Variants in ELAPOR2 observed in about 807,000 individuals in gnomAD.
ELAPOR2 encodes endosome-lysosome associated apoptosis and autophagy regulator family member 2.
ELAPOR2 carries 89 observed loss-of-function variants against 120.7 expected under a neutral mutation model. The observed-to-expected ratio is 0.74, with a 90% CI of 0.62 to 0.88. The LOEUF (loss-of-function observed/expected upper bound fraction) is 0.88. Ranked by LOEUF, ELAPOR2 falls within the 40% of genes least tolerant of loss-of-function variation. The pLI is 0.00. For synonymous variants in ELAPOR2, 444 were observed against 444.9 expected (o/e 1.00, Z 0.03); for missense variants, 1,134 against 1,251.6 (o/e 0.91, Z 1.42).
At chr7:87,037,820 G>A (rs1794637654) in intron 1 of ELAPOR2, among the ~76,000 whole-genome samples, 2 of 152,122 alleles carry the variant, frequency 1.3e-5, no homozygotes. Flanking sequence ...TTCTTTGACT[G>A]AGATGTGGTG....
At chr7:86,928,192 A>G (rs1248029559) in intron 8 of ELAPOR2, among the ~76,000 whole-genome samples, 2 of 151,946 alleles carry the variant, frequency 1.3e-5, no homozygotes, top group South Asian at 2.1e-4. Flanking sequence ...GCCACTTCAC[A>G]CACCTGCCTT....
Position 86,882,968 on chromosome 7 carries a change from A to G in ELAPOR2, c.3031-2438T>C, listed in dbSNP as rs113357850. On this transcript the variant is annotated intron_variant, in intron 21 of 21. Coordinates refer to ENST00000450689, the MANE Select transcript of ELAPOR2 (RefSeq NM_001142749.3). ...TCCCTACTGCACTCCCTTCTCCCCAATGCTGCAAGACACCCTACTCTTGTT... is the reference window on the plus strand; with the variant it reads ...TCCCTACTGCACTCCCTTCTCCCCAGTGCTGCAAGACACCCTACTCTTGTT... 9.7e-3 allele frequency among the ~76,000 whole-genome samples: 1,456 copies of G among 150,860 alleles called. 13 individuals carry two copies. The highest frequency in any genetic ancestry group is 0.017 in the Middle Eastern group (5 of 294).
intron 21 of ELAPOR2, among the ~76,000 whole-genome samples, chr7:86,890,441 A>G (rs1279143548): frequency 6.6e-6 from 1 of 152,040 alleles, no homozygotes; most frequent in Non-Finnish European, 1.5e-5. Context: ...CATTATGAAC[A>G]TTCAGGTTCC....
At chr7:86,933,333 A>G (rs1790413586) in intron 8 of ELAPOR2, among the ~76,000 whole-genome samples, 1 of 151,964 alleles carries the variant, frequency 6.6e-6, no homozygotes, top group African/African-American at 2.4e-5. Flanking sequence ...ACTCTTGCCC[A>G]GTGTCACTGT....
At chr7:86,934,628 A>T (rs551538200) in intron 8 of ELAPOR2, among the ~76,000 whole-genome samples, 14 of 152,006 alleles carry the variant, frequency 9.2e-5, no homozygotes, top group Non-Finnish European at 1.5e-4. Context: ...TCCTAGCATT[A>T]GCTTACTTCT....
At chr7:86,944,794 A>C in intron 4 of ELAPOR2, 105 bp downstream of exon 4, 1 of 761,634 alleles carries the variant, frequency 1.3e-6, no homozygotes, top group East Asian at 3.4e-5. Context: ...ACACACACAC[A>C]AAAAAAAAAC....
rs1335669977 is a variant in ELAPOR2 at position 87,059,440 on chromosome 7, C to T, written c.74G>A (p.Arg25His). Reference protein sequence around the residue: ...GRPAEAPRRGRSPPWSPAWIC... With the variant: ...GRPAEAPRRGHSPPWSPAWIC... ...CCAGGCGGGGCTCCAGGGCGGCGAG[C>T]GCCCGCGGCGGGGAGCCTCCGCCGG... The change falls in exon 1 of 22, where the codon CGC (arginine) becomes CAC (histidine). Residue 25 changes from arginine to histidine, a missense_variant. By Grantham distance (29) the Arg-to-His change is conservative. This residue lies in a region of ELAPOR2 where 280 missense variants were observed against 331.5 expected (regional missense o/e 0.84). Transcript: ENST00000450689. 2.3e-5 allele frequency: 28 copies of T among 1,230,442 alleles called. No homozygotes were observed. Among genetic ancestry groups the T allele is most frequent in the Non-Finnish European group, 2.7e-5 (27 of 983,756 alleles). The allele number at this position is 1,230,442 out of a possible 1,614,324, so 76.2% of individuals were successfully genotyped here. A position where few individuals can be genotyped will look rare whatever the true frequency, so the allele number is the denominator to read the frequency against.
intron 8 of ELAPOR2, among the ~76,000 whole-genome samples, chr7:86,931,156 T>C (rs1218411342): frequency 6.6e-6 from 1 of 151,964 alleles, no homozygotes; most frequent in Non-Finnish European, 1.5e-5. Flanking sequence ...TTTTCTTATC[T>C]GAAAACTGGG....
chr7:86,911,476 C>T, intron 15 of ELAPOR2: 3 of 379,358 alleles, frequency 7.9e-6, no homozygotes, highest in South Asian at 2.0e-5. Context: ...AGGTATATAC[C>T]TATACATACT....
intron 12 of ELAPOR2, 44 bp from the exon 13 acceptor site, chr7:86,914,904 C>T: frequency 2.0e-6 from 3 of 1,468,542 alleles, no homozygotes; most frequent in South Asian, 1.2e-5. Context: ...AGCACAAACT[C>T]AACATTAATA....
At chr7:86,956,266 AAG>A (rs1791469909) in intron 2 of ELAPOR2, among the ~76,000 whole-genome samples, 2 of 152,354 alleles carry the variant, frequency 1.3e-5, no homozygotes, top group South Asian at 4.1e-4. Context: ...TCAGAGAAGA[AAG>A]AGAAACCTGT....
intron 19 of ELAPOR2, among the ~76,000 whole-genome samples, chr7:86,894,497 C>G (rs1028162746): frequency 6.6e-6 from 1 of 151,974 alleles, no homozygotes; most frequent in Admixed American, 6.6e-5. Flanking sequence ...CCAATGAGAA[C>G]AGCAAGCTCT....
intron 2 of ELAPOR2, among the ~76,000 whole-genome samples, chr7:86,949,707 G>T (rs933770244): frequency 6.6e-6 from 1 of 152,194 alleles, no homozygotes; most frequent in African/African-American, 2.4e-5. Flanking sequence ...GCAAGGTTGG[G>T]GCTGAGCCTG....
At chr7:86,924,700 TC>T (rs1789985591) in intron 10 of ELAPOR2, among the ~76,000 whole-genome samples, 1 of 152,038 alleles carries the variant, frequency 6.6e-6, no homozygotes, top group Non-Finnish European at 1.5e-5. Context: ...CTATTATTTG[TC>T]AATCTCTGTG....
chr7:86,942,865 C>T (rs1023783572), intron 4 of ELAPOR2, among the ~76,000 whole-genome samples: 17 of 151,930 alleles, frequency 1.1e-4, no homozygotes, highest in Middle Eastern at 3.2e-3. Context: ...CATCTATATT[C>T]CCACCAAAAG....
At chr7:86,927,031 T>C in intron 8 of ELAPOR2, 115 bp from the exon 9 acceptor site, 1 of 901,904 alleles carries the variant, frequency 1.1e-6, no homozygotes, top group Non-Finnish European at 1.5e-6. Context: ...AAGGGCCAGC[T>C]GACAGAATCT....
At chr7:86,930,069 C>T (rs1790260646) in intron 8 of ELAPOR2, among the ~76,000 whole-genome samples, 1 of 151,942 alleles carries the variant, frequency 6.6e-6, no homozygotes, top group Non-Finnish European at 1.5e-5. Flanking sequence ...AACATATCCC[C>T]TAAATACTTA....
intron 4 of ELAPOR2, among the ~76,000 whole-genome samples, chr7:86,944,439 C>T (rs1381323557): frequency 6.6e-6 from 1 of 151,832 alleles, no homozygotes; most frequent in Non-Finnish European, 1.5e-5. Context: ...AAAAAAATTG[C>T]TCATAAATAC....
rs865778888 is a variant in ELAPOR2, at chr7:87,041,820, C to A, written c.189+17505G>T. Among the ~76,000 whole-genome samples, 3 of 151,260 alleles carry A rather than the reference C, an allele frequency of 2.0e-5. No individual in the cohort carries two copies. The East Asian group carries it at 5.8e-4, about 29-fold the overall frequency. On this transcript the variant is annotated intron_variant, in intron 1 of 21. Transcript: ENST00000450689. The stretch of plus-strand genomic sequence containing the variant: ...TAATTAAAAGACACAGACTGGCAAA[C>A]TGGATAAAGAGTCAAGACCCATCAG...
Sources: gnomAD v4.1 joint callset for allele counts (sites outside exome capture counted in the v4.1 genomes callset) on GRCh38, gnomAD v4.1.1 for gene constraint, gnomAD v4.1.1 regional missense constraint, MANE v1.5 for transcripts, NCBI Gene and HGNC (gene_info 2026-07-23, HGNC 2026-07-21) for gene names.